Variants in BANK1 observed in about 807,000 individuals in gnomAD.
BANK1 encodes B cell scaffold protein with ankyrin repeats 1.
In BANK1, 95 loss-of-function variants were observed where a neutral mutation model predicts 94.5. That is an observed-to-expected ratio of 1.00 (90% CI 0.85 to 1.19). BANK1 has a LOEUF of 1.19. BANK1 is among the 50% of genes most tolerant of loss of function. The pLI, the probability that BANK1 is intolerant of heterozygous loss-of-function variation, is 0.00. For missense variants in BANK1, 987 were observed against 932.2 expected (o/e 1.06, Z -0.77); for synonymous variants, 334 against 308.4 (o/e 1.08, Z -0.87).
intron 7 of BANK1, among the ~76,000 whole-genome samples, chr4:101,959,654 A>G (rs2148918374): frequency 6.6e-6 from 1 of 152,316 alleles, no homozygotes; most frequent in Non-Finnish European, 1.5e-5. Flanking sequence ...ACCTTTAGCA[A>G]TAATTGGAAA....
intron 7 of BANK1, among the ~76,000 whole-genome samples, chr4:102,016,494 C>T (rs1726705785): frequency 6.6e-6 from 1 of 152,112 alleles, no homozygotes; most frequent in South Asian, 2.1e-4. Context: ...CACATTATGG[C>T]TCCTGAAAAG....
In BANK1 at chr4:101,945,336, G is replaced by A. The variant is rs998585036; in HGVS notation, c.1206+27147G>A. On this transcript the variant is annotated intron_variant, in intron 7 of 16. Transcript: ENST00000322953. ...AGGTTATTACTATAAACTTTCATTT[G>A]TCTTTGGAGCATGAGGGGCAAACAT... is the stretch of plus-strand genomic sequence containing the variant. Among the ~76,000 whole-genome samples, 4 of 151,682 alleles carry A rather than the reference G, an allele frequency of 2.6e-5. No homozygotes were observed. The East Asian group carries it at 7.8e-4, about 30-fold the overall frequency.
intron 2 of BANK1, among the ~76,000 whole-genome samples, chr4:101,831,621 C>G (rs891579962): frequency 6.6e-6 from 1 of 152,048 alleles, no homozygotes; most frequent in Non-Finnish European, 1.5e-5. Context: ...ATTACAGACA[C>G]GCACCACCAT....
At chr4:101,998,189 A>G (rs1725945541) in intron 7 of BANK1, among the ~76,000 whole-genome samples, 1 of 152,186 alleles carries the variant, frequency 6.6e-6, no homozygotes, top group Non-Finnish European at 1.5e-5. Context: ...GTAGTCATTC[A>G]GGAGCACATT....
At chr4:101,902,475 T>A (rs1722318774) in intron 6 of BANK1, among the ~76,000 whole-genome samples, 1 of 152,238 alleles carries the variant, frequency 6.6e-6, no homozygotes, top group Non-Finnish European at 1.5e-5. Context: ...GAAGTTAGCA[T>A]GATGTGGGCT....
At chr4:101,843,192 T>C (rs939647745) in intron 2 of BANK1, among the ~76,000 whole-genome samples, 6 of 152,224 alleles carry the variant, frequency 3.9e-5, no homozygotes, top group African/African-American at 1.4e-4. Flanking sequence ...ATCTTCTTAG[T>C]ACACCTACTT....
At chr4:101,792,076 G>C (rs950812268) in intron 1 of BANK1, among the ~76,000 whole-genome samples, 7 of 152,158 alleles carry the variant, frequency 4.6e-5, no homozygotes, top group East Asian at 1.9e-4. Context: ...AATTTTGTTA[G>C]AGAATGGGGT....
chr4:101,830,249 T>G (rs771320535), intron 2 of BANK1, 43 bp downstream of exon 2: 27 of 1,423,982 alleles, frequency 1.9e-5, no homozygotes, highest in African/African-American at 2.9e-5. Flanking sequence ...TATTTGTTTT[T>G]TTTTTTTTGT....
chr4:101,868,315 G>C (rs1191829967), intron 4 of BANK1, among the ~76,000 whole-genome samples: 1 of 151,932 alleles, frequency 6.6e-6, no homozygotes, highest in African/African-American at 2.4e-5. Flanking sequence ...AGTAGAGCTG[G>C]AAAGTTGTAC....
At chr4:102,057,394 T>C (rs1039663079) in intron 11 of BANK1, among the ~76,000 whole-genome samples, 11 of 149,302 alleles carry the variant, frequency 7.4e-5, no homozygotes, top group African/African-American at 2.0e-4. Flanking sequence ...CAAGGTCTGC[T>C]CTGTCACCTA....
chr4:101,939,900 G>A (rs1279704535), intron 7 of BANK1, among the ~76,000 whole-genome samples: 1 of 151,576 alleles, frequency 6.6e-6, no homozygotes. Context: ...TTAAAATTAT[G>A]GAAACAGAGC....
intron 6 of BANK1, among the ~76,000 whole-genome samples, chr4:101,916,340 T>G (rs756500200): frequency 6.6e-6 from 1 of 152,026 alleles, no homozygotes; most frequent in South Asian, 2.1e-4. Flanking sequence ...CACCCCAAAG[T>G]GGTCATTCTA....
chr4:102,030,183 C>T lies in BANK1; in HGVS notation c.1818C>T (p.Phe606=). Residue 606 remains phenylalanine, a synonymous_variant, in exon 10 of 17, where the codon TTC becomes TTT. Transcript: ENST00000322953. ...SIKKKTGSRS[F]IINRPPAPTP... Reference sequence around the variant, plus strand: ...AGAAAAAAACTGGGAGTCGGTCTTTCATTATAAATAGACCTCCTGCCCCCA... The same window carrying T: ...AGAAAAAAACTGGGAGTCGGTCTTTTATTATAAATAGACCTCCTGCCCCCA... 1 of 1,613,920 alleles carries T rather than the reference C, an allele frequency of 6.2e-7. No homozygotes were observed. The highest frequency in any genetic ancestry group is 8.5e-7 in the Non-Finnish European group (1 of 1,179,874).
chr4:101,870,917 A>C (rs1433857852), intron 5 of BANK1, among the ~76,000 whole-genome samples: 1 of 152,072 alleles, frequency 6.6e-6, no homozygotes, highest in Non-Finnish European at 1.5e-5. Context: ...TGTTACAAGC[A>C]GATAAAGGGA....
intron 6 of BANK1, among the ~76,000 whole-genome samples, chr4:101,916,904 G>A (rs570209741): frequency 3.3e-5 from 5 of 152,020 alleles, no homozygotes; most frequent in African/African-American, 1.2e-4. Context: ...AATGAAAATT[G>A]CCATGAAATG....
At chr4:101,926,318 A>T (rs1484508378) in intron 7 of BANK1, among the ~76,000 whole-genome samples, 1 of 151,682 alleles carries the variant, frequency 6.6e-6, no homozygotes, top group South Asian at 2.1e-4. Flanking sequence ...TCTTTGTGAT[A>T]TATATATAGA....
chr4:102,061,215 G>A (rs181100953), intron 12 of BANK1, among the ~76,000 whole-genome samples: 136 of 152,194 alleles, frequency 8.9e-4, no homozygotes, highest in Non-Finnish European at 2.8e-4. Context: ...TTTAAAAGAC[G>A]ATGCTTAGGA....
chr4:102,058,782 G>T (rs748362474), intron 11 of BANK1, among the ~76,000 whole-genome samples: 1 of 149,646 alleles, frequency 6.7e-6, no homozygotes, highest in Non-Finnish European at 1.5e-5. Context: ...CCTCTCTGTT[G>T]AATGGAAATG....
Position 101,813,809 on chromosome 4 carries a change from G to T in BANK1, c.71-15999G>T, listed in dbSNP as rs183237518. 1,235 of 963,550 alleles carry T rather than the reference G, an allele frequency of 1.3e-3. 1 individual carries two copies. The highest frequency in any genetic ancestry group is 1.5e-3 in the Non-Finnish European group (1,194 of 810,186). 59.7% of individuals were successfully genotyped at this position (963,550 alleles called of 1,614,324 possible). ...GGGTGGTAGGAGACACACTTTGCTA[G>T]GTCTGCAATTTCCCTTCTGGCCAAC... On this transcript the variant is annotated intron_variant, in intron 1 of 16. Coordinates refer to ENST00000322953, the MANE Select transcript of BANK1 (RefSeq NM_017935.5).
Sources: allele counts gnomAD v4.1 joint callset (sites outside exome capture counted in the v4.1 genomes callset), GRCh38; gene constraint gnomAD v4.1.1; transcripts MANE v1.5; gene names NCBI Gene and HGNC (gene_info 2026-07-23, HGNC 2026-07-21).